The following B3GALT1 variants were observed in gnomAD, a reference collection of about 807,000 sequenced individuals.
B3GALT1 encodes the protein UDP-Gal:betaGlcNAc beta 1,3-galactosyltransferase, polypeptide 1.
B3GALT1 carries 10 observed loss-of-function variants against 23.2 expected under a neutral mutation model. The observed-to-expected ratio is 0.43, with a 90% CI of 0.27 to 0.73. The LOEUF (loss-of-function observed/expected upper bound fraction) is 0.73. B3GALT1 is among the 30% of genes least tolerant of loss of function. The pLI is 0.21. For missense variants in B3GALT1, 299 were observed against 405.4 expected, an observed-to-expected ratio of 0.74 and a Z score of 2.25; for synonymous variants, 156 against 141.5, an observed-to-expected ratio of 1.10 and a Z score of -0.73.
chr2:167,858,554 G>T (rs1172481223), intron 4 of B3GALT1, among the ~76,000 whole-genome samples: 1 of 151,962 alleles, frequency 6.6e-6, no homozygotes, highest in Admixed American at 6.6e-5. Context: ...TCTTTACAGT[G>T]ATCCTTACTG....
At chr2:167,361,794 C>T (rs980766284) in intron 1 of B3GALT1, among the ~76,000 whole-genome samples, 1 of 152,102 alleles carries the variant, frequency 6.6e-6, no homozygotes, top group Admixed American at 6.6e-5. Context: ...GAGTTTTGGG[C>T]TGGGCACGGT....
chr2:167,750,702 CT>C (rs1440984757), intron 3 of B3GALT1, among the ~76,000 whole-genome samples: 1 of 143,112 alleles, frequency 7.0e-6, no homozygotes, highest in African/African-American at 2.6e-5. Context: ...GCAAGTTAAC[CT>C]TAAGGACACA....
chr2:167,568,764 T>A (rs1397890685), intron 2 of B3GALT1, among the ~76,000 whole-genome samples: 2 of 152,014 alleles, frequency 1.3e-5, no homozygotes, highest in Non-Finnish European at 2.9e-5. Context: ...TCATGAATCA[T>A]GTCTTTGATT....
chr2:167,341,879 C>A (rs1697152264), intron 1 of B3GALT1, among the ~76,000 whole-genome samples: 1 of 152,142 alleles, frequency 6.6e-6, no homozygotes, highest in South Asian at 2.1e-4. Context: ...TTGGAGTATT[C>A]TTTCTGAGAA....
intron 3 of B3GALT1, among the ~76,000 whole-genome samples, chr2:167,679,308 A>C (rs1321821904): frequency 6.6e-6 from 1 of 151,958 alleles, no homozygotes. Flanking sequence ...TAGTAGAGAC[A>C]GGGTTTCTCC....
At chr2:167,477,407 G>T (rs1483967857) in intron 1 of B3GALT1, among the ~76,000 whole-genome samples, 1 of 152,126 alleles carries the variant, frequency 6.6e-6, no homozygotes, top group African/African-American at 2.4e-5. Context: ...AGTCAGACCT[G>T]AGTCTTTGAA....
chr2:167,869,788 T>A lies in B3GALT1; in HGVS notation c.749T>A (p.Leu250His), dbSNP rs1177021574. The change falls in exon 5 of 5, where the codon CTC (leucine) becomes CAC (histidine). Residue 250 changes from leucine (L) to histidine (H), a missense_variant. Physicochemically the swap from Leu to His is moderately conservative, Grantham distance 99. Around this residue, in one of 3 missense-constraint regions of B3GALT1, gnomAD observed 133 missense variants for 204.8 expected, o/e 0.65. Coordinates refer to ENST00000392690, the MANE Select transcript of B3GALT1 (RefSeq NM_020981.4). This position sits in a 1 kb window ranked among gnomAD's most constrained non-coding sequence, Gnocchi z 6.4. ...ATCTTTTCAGCCGATGTAGCTGAAC[T>A]CATTTACAAGACCTCACTCCACACA... ...GYIFSADVAELIYKTSLHTRL... is the reference protein window; with the variant it reads ...GYIFSADVAEHIYKTSLHTRL... 3.7e-6 allele frequency: 6 copies of A among 1,613,986 alleles called. No individual in the cohort carries two copies. Among genetic ancestry groups the A allele is most frequent in the Non-Finnish European group, 5.1e-6 (6 of 1,180,012 alleles).
intron 1 of B3GALT1, among the ~76,000 whole-genome samples, chr2:167,483,471 C>A (rs1290967963): frequency 1.3e-5 from 2 of 152,056 alleles, no homozygotes; most frequent in African/African-American, 4.8e-5. Context: ...AAAAAACTAT[C>A]AAAATGTTAT....
At chr2:167,765,805 A>G (rs1687968476) in intron 3 of B3GALT1, among the ~76,000 whole-genome samples, 1 of 152,116 alleles carries the variant, frequency 6.6e-6, no homozygotes, top group South Asian at 2.1e-4. Context: ...ATGAACATTG[A>G]CTCTCTAAAG....
chr2:167,858,564 G>T (rs1690042120), intron 4 of B3GALT1, among the ~76,000 whole-genome samples: 1 of 151,982 alleles, frequency 6.6e-6, no homozygotes, highest in African/African-American at 2.4e-5. Context: ...GATCCTTACT[G>T]GCAAAGTCTG....
intron 3 of B3GALT1, among the ~76,000 whole-genome samples, chr2:167,728,930 A>G (rs975409132): frequency 3.9e-5 from 6 of 152,220 alleles, no homozygotes; most frequent in African/African-American, 1.4e-4. Context: ...TAATACACAA[A>G]TGGAAATGCT....
chr2:167,666,725 T>G (rs369154796), intron 3 of B3GALT1, among the ~76,000 whole-genome samples: 3,053 of 152,166 alleles, frequency 0.02, 64 homozygotes, highest in African/African-American at 0.057. Context: ...TGTCTCTTTT[T>G]ATCTTTGTTG....
chr2:167,663,066 A>C (rs9677270), intron 3 of B3GALT1, among the ~76,000 whole-genome samples: 1 of 150,452 alleles, frequency 6.6e-6, no homozygotes, highest in East Asian at 2.0e-4. Flanking sequence ...ACACTAACTC[A>C]TCATCTAGCA....
At chr2:167,304,611 G>A (rs997627499) in intron 1 of B3GALT1, among the ~76,000 whole-genome samples, 5 of 151,984 alleles carry the variant, frequency 3.3e-5, no homozygotes. Flanking sequence ...TAAAGTATGT[G>A]TATGTGAGCA....
In B3GALT1 at chr2:167,592,951, A is replaced by G. The variant is rs182078443; in HGVS notation, c.-409-53958A>G. 5.3e-5 allele frequency among the ~76,000 whole-genome samples: 8 copies of G among 152,342 alleles called. No individual in the cohort carries two copies. The East Asian group carries it at 9.6e-4, about 18-fold the overall frequency. On this transcript the variant is annotated intron_variant, in intron 2 of 4. Transcript: ENST00000392690. ...GTCAGTGTCATGCGTAATAAATGCA[A>G]TGGGAAGTCATGTCACCTATCAAAC...
rs910875123 is a variant in B3GALT1 at position 167,562,803 on chromosome 2, G to A, written c.-410+72526G>A. Among the ~76,000 whole-genome samples, 8 of 152,102 alleles carry A rather than the reference G, an allele frequency of 5.3e-5. 1 individual carries two copies. The highest frequency in any genetic ancestry group is 1.2e-4 in the African/African-American group (5 of 41,470). On this transcript the variant is annotated intron_variant, in intron 2 of 4. Coordinates refer to ENST00000392690, the MANE Select transcript of B3GALT1 (RefSeq NM_020981.4). ...TAGGCAGAGGACCCTGCGGCCTTCCGCAGTGTTTGTGTCCCTGGGTACTTG... is the reference window on the plus strand; with the variant it reads ...TAGGCAGAGGACCCTGCGGCCTTCCACAGTGTTTGTGTCCCTGGGTACTTG...
chr2:167,723,527 C>CTTTTTTT (rs77413935), intron 3 of B3GALT1, among the ~76,000 whole-genome samples: 1 of 145,152 alleles, frequency 6.9e-6, no homozygotes. Context: ...TCTTTCTTTC[C>CTTTTTTT]TTTTTTTTTT....
chr2:167,868,857 G>T lies in B3GALT1; in HGVS notation c.-183G>T. ...GTCATGGAACCCTCCATCAGATTTGGAAGAAAGTAGAATGAGCGCAGAGGT... is the reference window on the plus strand; with the variant it reads ...GTCATGGAACCCTCCATCAGATTTGTAAGAAAGTAGAATGAGCGCAGAGGT... On this transcript the variant is annotated 5_prime_UTR_variant, in exon 5 of 5. Transcript: ENST00000392690. 1 of 627,032 alleles carries T rather than the reference G, an allele frequency of 1.6e-6. No individual in the cohort carries two copies. The highest frequency in any genetic ancestry group is 2.6e-6 in the Non-Finnish European group (1 of 379,318). 38.8% of individuals were successfully genotyped at this position (627,032 alleles called of 1,614,324 possible).
chr2:167,404,593 G>A (rs1453443379), intron 1 of B3GALT1, among the ~76,000 whole-genome samples: 1 of 152,146 alleles, frequency 6.6e-6, no homozygotes, highest in African/African-American at 2.4e-5. Context: ...ATGCATCGCA[G>A]TCAGTATAAA....
Sources: gnomAD v4.1 joint callset for allele counts (sites outside exome capture counted in the v4.1 genomes callset) on GRCh38, gnomAD v4.1.1 for gene constraint, gnomAD v4.1.1 regional missense constraint, Gnocchi (gnomAD v3.1) non-coding constraint, MANE v1.5 for transcripts, NCBI Gene and HGNC (gene_info 2026-07-23, HGNC 2026-07-21) for gene names.